Variants in MAP3K14 observed in about 807,000 individuals in gnomAD.
MAP3K14 encodes the protein mitogen-activated protein kinase kinase kinase 14.
Under a neutral mutation model 99.2 loss-of-function variants are expected in MAP3K14, and 16 were observed. The observed-to-expected ratio is 0.16, with a 90% CI of 0.11 to 0.24. MAP3K14 has a LOEUF of 0.24. Among genes scored for constraint, MAP3K14 ranks in the 10% least tolerant of loss-of-function variants. MAP3K14 has a pLI of 1.00. For missense variants in MAP3K14, 784 were observed against 1,208.7 expected, an observed-to-expected ratio of 0.65 and a Z score of 5.21; for synonymous variants, 462 against 492.4, an observed-to-expected ratio of 0.94 and a Z score of 0.82.
chr17:45,274,840 A>G (rs776903928), intron 6 of MAP3K14, among the ~76,000 whole-genome samples: 5 of 152,256 alleles, frequency 3.3e-5, no homozygotes, highest in African/African-American at 4.8e-5. Flanking sequence ...AAACAGCCAC[A>G]TAAAAACTAC....
chr17:45,289,143 CG>C (rs2044291264), intron 3 of MAP3K14, 92 bp downstream of exon 3: 1 of 1,106,230 alleles, frequency 9.0e-7, no homozygotes, highest in Non-Finnish European at 1.3e-6. Context: ...GGAGGGAGCC[CG>C]GGGTCAGCAG....
chr17:45,270,982 AGCCCCTCCAGCCTGCAGCCTGGGCCCCAG>A, intron 10 of MAP3K14, 47 bp downstream of exon 10: 1 of 1,542,404 alleles, frequency 6.5e-7, no homozygotes, highest in Non-Finnish European at 8.7e-7. Flanking sequence ...ACCGCAGAGC[AGCCCCTCCAGCCTGCAGCCTGGGCCCCAG>A]GGCCCTGCAG....
chr17:45,273,298 C>T (rs1201685668), intron 9 of MAP3K14, among the ~76,000 whole-genome samples: 2 of 152,118 alleles, frequency 1.3e-5, no homozygotes, highest in African/African-American at 2.4e-5. Context: ...TCCCTGTGTA[C>T]AGGAGCATCG....
At chr17:45,313,801 T>C (rs978841970) in intron 1 of MAP3K14, among the ~76,000 whole-genome samples, 3 of 152,208 alleles carry the variant, frequency 2.0e-5, no homozygotes, top group Non-Finnish European at 4.4e-5. Flanking sequence ...TTGACATGTT[T>C]GGGGGAAGAA....
intron 1 of MAP3K14, among the ~76,000 whole-genome samples, chr17:45,314,858 T>C (rs1322534921): frequency 1.3e-5 from 2 of 151,566 alleles, no homozygotes; most frequent in Admixed American, 1.3e-4. Context: ...GGAAAAAAAA[T>C]AGGAAGTTAA....
chr17:45,266,999 A>G (rs1196282521), intron 13 of MAP3K14, 93 bp downstream of exon 13: 1 of 965,664 alleles, frequency 1.0e-6, no homozygotes, highest in Admixed American at 2.1e-5. Context: ...CACAGTGTCC[A>G]TTCACTAGCT....
Position 45,264,414 on chromosome 17 carries a change from C to T in MAP3K14, c.*222G>A, listed in dbSNP as rs545880365. 1.1e-4 allele frequency: 60 copies of T among 546,048 alleles called. No homozygotes were observed. The highest frequency in any genetic ancestry group is 3.1e-4 in the South Asian group (13 of 41,516). The allele number at this position is 546,048 out of a possible 1,614,324, so 33.8% of individuals were successfully genotyped here. A position where few individuals can be genotyped will look rare whatever the true frequency, so the allele number is the denominator to read the frequency against. ...CCTGCCATCCTCCTCTGTCTCTTCA[C>T]GTGGCGGAGTGTTTTCTCAGCAGGG... On this transcript the variant is annotated 3_prime_UTR_variant, in exon 16 of 16. Coordinates refer to ENST00000344686, the MANE Select transcript of MAP3K14 (RefSeq NM_003954.5).
intron 1 of MAP3K14, among the ~76,000 whole-genome samples, chr17:45,292,264 A>C (rs1355165134): frequency 1.3e-5 from 2 of 152,170 alleles, no homozygotes; most frequent in East Asian, 3.9e-4. Flanking sequence ...TTACCTGAGG[A>C]TCTTAAGAAG....
At chr17:45,301,033 T>C (rs2044384196) in intron 1 of MAP3K14, among the ~76,000 whole-genome samples, 2 of 151,440 alleles carry the variant, frequency 1.3e-5, no homozygotes, top group African/African-American at 2.4e-5. Flanking sequence ...CTGAGCATAG[T>C]CACACGTGTC....
chr17:45,274,072 G>A (rs2044160400), intron 8 of MAP3K14, 51 bp downstream of exon 8: 1 of 1,590,852 alleles, frequency 6.3e-7, no homozygotes, highest in Admixed American at 1.7e-5. Context: ...AGACAGGATG[G>A]TGTGAGAGAA....
rs1001775982 is a variant in MAP3K14 at position 45,284,996 on chromosome 17, A to G, written c.1153-47T>C. ...GGACAGTTTCAGTGGCCAGGGCAGCAGAGGGCTACAGGGCTACAGTGAGGA... is the reference window on the plus strand; with the variant it reads ...GGACAGTTTCAGTGGCCAGGGCAGCGGAGGGCTACAGGGCTACAGTGAGGA... On this transcript the variant is annotated intron_variant, in intron 5 of 15. Coordinates refer to ENST00000344686, the MANE Select transcript of MAP3K14 (RefSeq NM_003954.5). 1.9e-6 allele frequency: 3 copies of G among 1,542,070 alleles called. No individual in the cohort carries two copies. In the African/African-American group the frequency reaches 4.1e-5, roughly 21 times the overall value.
chr17:45,302,261 T>A (rs200271934), intron 1 of MAP3K14, among the ~76,000 whole-genome samples: 4 of 152,188 alleles, frequency 2.6e-5, no homozygotes, highest in African/African-American at 9.7e-5. Flanking sequence ...TTCTTGTATC[T>A]CCCTCTACTG....
chr17:45,311,161 C>T (rs925664761), intron 1 of MAP3K14, among the ~76,000 whole-genome samples: 3 of 152,230 alleles, frequency 2.0e-5, no homozygotes, highest in Non-Finnish European at 2.9e-5. Context: ...ACCATTTTCT[C>T]TTCTGCATTT....
chr17:45,266,733 T>C (rs187767470), intron 13 of MAP3K14, 52 bp from the exon 14 acceptor site: 21 of 1,560,348 alleles, frequency 1.3e-5, no homozygotes, highest in Non-Finnish European at 1.7e-5. Flanking sequence ...CCAGGATCCA[T>C]CTCCGGCTTG....
intron 1 of MAP3K14, among the ~76,000 whole-genome samples, chr17:45,300,969 C>A (rs888830879): frequency 5.3e-5 from 8 of 151,904 alleles, no homozygotes; most frequent in African/African-American, 1.5e-4. Context: ...GAGTTTGAGA[C>A]CAGCCTGGGC....
intron 1 of MAP3K14, among the ~76,000 whole-genome samples, chr17:45,308,517 T>G (rs2044447127): frequency 6.6e-6 from 1 of 152,118 alleles, no homozygotes; most frequent in East Asian, 1.9e-4. Context: ...TATATTTTCT[T>G]TTTTGAGAAG....
At chr17:45,266,330 C>T (rs1735679931) in intron 14 of MAP3K14, 1 of 541,494 alleles carries the variant, frequency 1.8e-6, no homozygotes, top group South Asian at 3.1e-5. Context: ...AATGGTCCCT[C>T]ACTGCCCCAT....
chr17:45,284,672 A>C (rs991138408), intron 6 of MAP3K14, 140 bp downstream of exon 6: 2 of 1,094,574 alleles, frequency 1.8e-6, no homozygotes, highest in African/African-American at 3.2e-5. Flanking sequence ...AGCCGACCTC[A>C]GGTGGCTAGT....
chr17:45,312,491 G>A (rs1053965784), intron 1 of MAP3K14, among the ~76,000 whole-genome samples: 1 of 152,198 alleles, frequency 6.6e-6, no homozygotes, highest in African/African-American at 2.4e-5. Flanking sequence ...CCTGGTGAGA[G>A]CCTATATTTT....
Sources: allele counts gnomAD v4.1 joint callset (sites outside exome capture counted in the v4.1 genomes callset), GRCh38; gene constraint gnomAD v4.1.1; transcripts MANE v1.5; gene names NCBI Gene and HGNC (gene_info 2026-07-23, HGNC 2026-07-21).